DLGAP2: variants seen among roughly 807,000 people sequenced by gnomAD.
The protein encoded by DLGAP2 is disks large-associated protein 2.
Under a neutral mutation model 100.3 loss-of-function variants are expected in DLGAP2, and 26 were observed. The ratio of observed to expected loss-of-function variants is 0.26; its 90% confidence interval spans 0.19 to 0.36. The LOEUF (loss-of-function observed/expected upper bound fraction) is 0.36. Ranked by LOEUF, DLGAP2 falls within the 10% of genes least tolerant of loss-of-function variation. The pLI, the probability that DLGAP2 is intolerant of heterozygous loss-of-function variation, is 1.00. For synonymous variants in DLGAP2, 886 were observed against 630.1 expected (o/e 1.41, Z -6.08); for missense variants, 1,858 against 1,453.2 (o/e 1.28, Z -4.53).
At chr8:1,629,592 C>G (rs945811853) in intron 7 of DLGAP2, among the ~76,000 whole-genome samples, 16 of 152,252 alleles carry the variant, frequency 1.1e-4, no homozygotes, top group African/African-American at 3.6e-4. Flanking sequence ...ATTTTAACAA[C>G]TTGCTCCATA....
At chr8:1,271,874 G>GTGCAACCTCAGCTCAC (rs1242112520) in intron 3 of DLGAP2, among the ~76,000 whole-genome samples, 1 of 152,162 alleles carries the variant, frequency 6.6e-6, no homozygotes, top group Non-Finnish European at 1.5e-5. Flanking sequence ...GAGTTCAGTG[G>GTGCAACCTCAGCTCAC]TGCAACCTCA....
intron 2 of DLGAP2, among the ~76,000 whole-genome samples, chr8:1,063,521 C>CTTTTTT (rs34456280): frequency 9.0e-6 from 1 of 111,384 alleles, no homozygotes; most frequent in Non-Finnish European, 1.9e-5. Context: ...AGTATACTGG[C>CTTTTTT]TTTTTTTTTT....
At chr8:1,202,983 C>G (rs1009789068) in intron 2 of DLGAP2, among the ~76,000 whole-genome samples, 3 of 152,178 alleles carry the variant, frequency 2.0e-5, no homozygotes, top group African/African-American at 7.2e-5. Context: ...CCGTGTACTC[C>G]GGTGATTGCA....
chr8:1,703,994 A>G lies in DLGAP2; in HGVS notation c.*2588A>G, dbSNP rs577520233. On this transcript the variant is annotated 3_prime_UTR_variant, in exon 15 of 15. Coordinates refer to ENST00000637795, the MANE Select transcript of DLGAP2 (RefSeq NM_001346810.2). Reference sequence around the variant, plus strand: ...ATGGAATGTTACCTGTCCGTGTTACATAATCAAGTGCAATATACTCAGTTC... The same window carrying G: ...ATGGAATGTTACCTGTCCGTGTTACGTAATCAAGTGCAATATACTCAGTTC... The G allele has an allele frequency of 3.0e-3, 459 of 152,776 alleles. 8 individuals carry two copies. The highest frequency in any genetic ancestry group is 2.9e-3 in the Non-Finnish European group (196 of 68,050). 9.5% of individuals were successfully genotyped at this position (152,776 alleles called of 1,614,324 possible).
intron 1 of DLGAP2, among the ~76,000 whole-genome samples, chr8:741,844 T>G (rs917855322): frequency 6.6e-6 from 1 of 152,142 alleles, no homozygotes; most frequent in African/African-American, 2.4e-5. Context: ...GAGCGGGAAC[T>G]TTCAAGGAGA....
At chr8:1,647,809 C>T (rs1292654098) in intron 8 of DLGAP2, among the ~76,000 whole-genome samples, 2 of 152,154 alleles carry the variant, frequency 1.3e-5, no homozygotes, top group African/African-American at 4.8e-5. Flanking sequence ...ATTTATCTCT[C>T]ACAGTTATGG....
At chr8:1,471,590 ACCT>A (rs1798794569) in intron 3 of DLGAP2, among the ~76,000 whole-genome samples, 1 of 147,664 alleles carries the variant, frequency 6.8e-6, no homozygotes, top group Admixed American at 6.7e-5. Flanking sequence ...CTCCCTCCTA[ACCT>A]CCTCTCACCT....
chr8:1,085,080 G>T (rs13255074), intron 2 of DLGAP2, among the ~76,000 whole-genome samples: 5 of 152,202 alleles, frequency 3.3e-5, no homozygotes, highest in Non-Finnish European at 5.9e-5. Context: ...GCTGATACGT[G>T]ATTTGATATT....
intron 2 of DLGAP2, among the ~76,000 whole-genome samples, chr8:1,130,225 C>T (rs1015047563): frequency 6.6e-6 from 1 of 152,132 alleles, no homozygotes; most frequent in African/African-American, 2.4e-5. Context: ...GACAAACGCA[C>T]TCTGGCCTCT....
intron 3 of DLGAP2, among the ~76,000 whole-genome samples, chr8:1,497,402 C>T (rs1254901334): frequency 3.3e-5 from 5 of 152,154 alleles, no homozygotes; most frequent in African/African-American, 7.2e-5. Flanking sequence ...GATTTCAGAA[C>T]GTCTCAGAGC....
intron 2 of DLGAP2, among the ~76,000 whole-genome samples, chr8:945,831 T>C (rs373769712): frequency 2.6e-4 from 39 of 151,928 alleles, no homozygotes; most frequent in African/African-American, 7.0e-4. Flanking sequence ...CATTTCCCCC[T>C]CTCTCTCTGC....
In DLGAP2 at chr8:1,184,762, C is replaced by T. The variant is rs952908063; in HGVS notation, c.74-74089C>T. On this transcript the variant is annotated intron_variant, in intron 2 of 14. Transcript: ENST00000637795. ...GTGAGGCCACCGGGAGGCAAGCATG[C>T]TGGTGACGATGACTGGTTGGTGAAT... 3.9e-5 allele frequency among the ~76,000 whole-genome samples: 6 copies of T among 152,166 alleles called. No homozygotes were observed. The East Asian group carries it at 1.2e-3, about 29-fold the overall frequency.
rs77264437 is a variant in DLGAP2, at chr8:1,555,592, G to C, written c.1230+5909G>C. 2.2e-3 allele frequency among the ~76,000 whole-genome samples: 342 copies of C among 152,290 alleles called. 8 individuals are homozygous for C. In the East Asian group the frequency reaches 0.055, roughly 25 times the overall value. On this transcript the variant is annotated intron_variant, in intron 5 of 14. Coordinates refer to ENST00000637795, the MANE Select transcript of DLGAP2 (RefSeq NM_001346810.2). ...TCGTGTAATCAGGGACCGTCTGCAG[G>C]AGTGCAGGAGCTGGGCCTGTGCCTT... is the stretch of plus-strand genomic sequence containing the variant.
intron 2 of DLGAP2, among the ~76,000 whole-genome samples, chr8:1,090,812 T>C (rs573088589): frequency 6.6e-6 from 1 of 152,362 alleles, no homozygotes; most frequent in Admixed American, 6.5e-5. Flanking sequence ...GGGAAAATTC[T>C]TTTCATCGAG....
At chr8:1,328,017 G>T (rs1282384869) in intron 3 of DLGAP2, among the ~76,000 whole-genome samples, 1 of 152,082 alleles carries the variant, frequency 6.6e-6, no homozygotes, top group East Asian at 1.9e-4. Flanking sequence ...GGCTGAGACT[G>T]TGTTTCTGTA....
At chr8:1,169,724 A>G (rs1004121395) in intron 2 of DLGAP2, among the ~76,000 whole-genome samples, 2 of 151,758 alleles carry the variant, frequency 1.3e-5, no homozygotes, top group Non-Finnish European at 2.9e-5. Context: ...ATTTTTGTAC[A>G]TTGATTTTGT....
chr8:1,254,975 C>A (rs1286724367), intron 2 of DLGAP2, among the ~76,000 whole-genome samples: 1 of 117,360 alleles, frequency 8.5e-6, no homozygotes, highest in Non-Finnish European at 1.7e-5. Context: ...CTCATCCTGT[C>A]CGGGTGCTGT....
intron 1 of DLGAP2, among the ~76,000 whole-genome samples, chr8:784,512 A>T (rs1821785434): frequency 6.6e-6 from 1 of 152,268 alleles, no homozygotes; most frequent in Non-Finnish European, 1.5e-5. Flanking sequence ...TAACGTGTTC[A>T]TATGTGCTTT....
chr8:1,275,883 A>ATATAT lies in DLGAP2; in HGVS notation c.106+17000_106+17001insTATAT, dbSNP rs1563056369. 7.3e-3 allele frequency among the ~76,000 whole-genome samples: 303 copies of ATATAT among 41,764 alleles called. 1 individual carries two copies. Among genetic ancestry groups the ATATAT allele is most frequent in the African/African-American group, 0.033 (285 of 8,672 alleles). 27.4% of individuals were successfully genotyped at this position (41,764 alleles called of 152,430 possible). On this transcript the variant is annotated intron_variant, in intron 3 of 14. Transcript: ENST00000637795. ...ATATAAATATATATAATATATAAATAAATATATAATATATAAATATATATA... is the reference window on the plus strand; with the variant it reads ...ATATAAATATATATAATATATAAATATATATAATATATAATATATAAATATATATA...
Sources: gnomAD v4.1 joint callset for allele counts (sites outside exome capture counted in the v4.1 genomes callset) on GRCh38, gnomAD v4.1.1 for gene constraint, MANE v1.5 for transcripts, NCBI Gene and HGNC (gene_info 2026-07-23, HGNC 2026-07-21) for gene names.